The following INTS6L variants were observed in gnomAD, a reference collection of about 807,000 sequenced individuals.
INTS6L encodes integrator complex subunit 6-like.
A neutral mutation model predicts 64.7 loss-of-function variants in INTS6L; 18 were observed. That is an observed-to-expected ratio of 0.28 (90% CI 0.19 to 0.41). The LOEUF is 0.41. Among genes scored for constraint, INTS6L ranks in the 10% least tolerant of loss-of-function variants. The pLI is 1.00. For missense variants in INTS6L, 533 were observed against 661.0 expected (o/e 0.81, Z 2.12); for synonymous variants, 227 against 235.9 (o/e 0.96, Z 0.34).
Position 135,574,021 on chromosome X carries a change from A to G in INTS6L, c.1700A>G (p.Asn567Ser), listed in dbSNP as rs370706356. 10 of 1,203,558 alleles carry G rather than the reference A, an allele frequency of 8.3e-6. No homozygotes were observed. In the South Asian group the frequency reaches 1.1e-4, roughly 13 times the overall value. ...LLDQLTRMRS[N>S]LLKTHKFIVG... Reference sequence around the variant, plus strand: ...GACCAGCTGACCAGAATGAGATCCAATCTGCTGAAAACGCACAAGTTTATT... The same window carrying G: ...GACCAGCTGACCAGAATGAGATCCAGTCTGCTGAAAACGCACAAGTTTATT... Residue 567 changes from asparagine to serine, a missense_variant, in exon 13 of 18, where the codon AAT becomes AGT. Physicochemically the swap from Asn to Ser is conservative, Grantham distance 46. Coordinates refer to ENST00000639893, the MANE Select transcript of INTS6L (RefSeq NM_001351601.3).
intron 2 of INTS6L, among the ~76,000 whole-genome samples, chrX:135,529,063 C>A (rs917494891): frequency 1.4e-4 from 16 of 111,702 alleles, no homozygotes; most frequent in African/African-American, 5.2e-4. Flanking sequence ...GGTTAGAAGT[C>A]TTTTCCTGGG....
At chrX:135,580,609 C>CT (rs1239759577) in intron 16 of INTS6L, among the ~76,000 whole-genome samples, 1 of 112,199 alleles carries the variant, frequency 8.9e-6, no homozygotes, top group African/African-American at 3.2e-5. Flanking sequence ...ACCCTTAGCA[C>CT]TTTTTCTCCT....
chrX:135,553,274 T>C lies in INTS6L; in HGVS notation c.1059+1128T>C, dbSNP rs1021856743. The stretch of plus-strand genomic sequence containing the variant: ...GAGGACACAAGGAGATGTCTGGTTT[T>C]GTTCTCTTTCTTTCTTTCATTCTTT... On this transcript the variant is annotated intron_variant, in intron 8 of 17. Transcript: ENST00000639893. Among the ~76,000 whole-genome samples the C allele has an allele frequency of 2.7e-5, 3 of 110,393 alleles. No homozygotes were observed. In the South Asian group the frequency reaches 1.2e-3, roughly 43 times the overall value.
intron 2 of INTS6L, among the ~76,000 whole-genome samples, chrX:135,522,064 C>T (rs1277060417): frequency 1.8e-5 from 2 of 111,467 alleles, no homozygotes; most frequent in Non-Finnish European, 1.9e-5. Context: ...CTCCCCACCC[C>T]CAGACCCGGA....
rs1376089263 is a variant in INTS6L at position 135,581,652 on chromosome X, G to GA, written c.*23dup. On this transcript the variant is annotated 3_prime_UTR_variant, in exon 18 of 18. Coordinates refer to ENST00000639893, the MANE Select transcript of INTS6L (RefSeq NM_001351601.3). Reference sequence around the variant, plus strand: ...ATCATGTTAGTGCAAAGACCAGTGAGAAAAAAATGACAAGTTTTCTGTGCT... The same window carrying GA: ...ATCATGTTAGTGCAAAGACCAGTGAGAAAAAAAATGACAAGTTTTCTGTGCT... 12 of 1,161,717 alleles carry GA rather than the reference G, an allele frequency of 1.0e-5. No homozygotes were observed. Among genetic ancestry groups the GA allele is most frequent in the African/African-American group, 8.9e-5 (5 of 56,074 alleles).
intron 8 of INTS6L, among the ~76,000 whole-genome samples, chrX:135,554,144 G>A (rs1185178530): frequency 2.7e-5 from 3 of 111,802 alleles, no homozygotes; most frequent in Non-Finnish European, 5.6e-5. Flanking sequence ...TAGCTCTAAA[G>A]ATCCTTTGGA....
At chrX:135,564,831 C>A (rs2086897086) in intron 9 of INTS6L, among the ~76,000 whole-genome samples, 1 of 110,904 alleles carries the variant, frequency 9.0e-6, no homozygotes, top group Non-Finnish European at 1.9e-5. Flanking sequence ...GTCTCTGGAT[C>A]TTACTTAAAC....
chrX:135,553,571 A>C (rs1478591194), intron 8 of INTS6L, among the ~76,000 whole-genome samples: 1 of 94,071 alleles, frequency 1.1e-5, no homozygotes, highest in Non-Finnish European at 2.1e-5. Context: ...CAATCCTCCC[A>C]CCTCGGCTTC....
chrX:135,576,750 A>T (rs908543371), intron 14 of INTS6L, among the ~76,000 whole-genome samples: 1 of 112,325 alleles, frequency 8.9e-6, no homozygotes. Context: ...GTGATAATCA[A>T]TGTTGTTTAA....
chrX:135,572,829 A>G lies in INTS6L; in HGVS notation c.1413A>G (p.Ser471=). 8.3e-7 allele frequency: 1 copy of G among 1,210,875 alleles called. No homozygotes were observed. Among genetic ancestry groups the G allele is most frequent in the East Asian group, 3.0e-5 (1 of 33,836 alleles). ...KKLSQQTKLE[S]ERILASVGKK... is the part of the protein sequence containing the mutation. ...TTTCATTTTAGACCAAACTAGAGTC[A>G]GAACGAATACTAGCATCAGTGGGGA... Residue 471 remains serine, a synonymous_variant, in exon 12 of 18, where the codon TCA becomes TCG. Transcript: ENST00000639893.
chrX:135,529,183 T>C (rs1466288459), intron 2 of INTS6L, among the ~76,000 whole-genome samples: 1 of 112,437 alleles, frequency 8.9e-6, no homozygotes, highest in Non-Finnish European at 1.9e-5. Context: ...TTCAGTGTTA[T>C]TAGAAATATG....
At position 135,520,963 on chromosome X, in the gene INTS6L, T is replaced by A. The variant is rs1328817385; in HGVS notation, c.-30T>A. On this transcript the variant is annotated 5_prime_UTR_variant, in exon 1 of 18. Transcript: ENST00000639893. Reference sequence around the variant, plus strand: ...AGTGAGGGCAAGAGGGCCGGGAGAGTGGGGAGCGGAGGCAGGAGTGCGGGG... The same window carrying A: ...AGTGAGGGCAAGAGGGCCGGGAGAGAGGGGAGCGGAGGCAGGAGTGCGGGG... The A allele has an allele frequency of 6.7e-6, 8 of 1,185,190 alleles. No homozygotes were observed. The highest frequency in any genetic ancestry group is 9.1e-6 in the Non-Finnish European group (8 of 877,310).
chrX:135,578,146 C>T (rs1284392305), intron 15 of INTS6L, among the ~76,000 whole-genome samples: 1 of 111,734 alleles, frequency 8.9e-6, no homozygotes, highest in African/African-American at 3.3e-5. Flanking sequence ...ATCCTGGTAC[C>T]TCTCCTGTCC....
At chrX:135,533,603 A>G (rs1259029201) in intron 2 of INTS6L, among the ~76,000 whole-genome samples, 1 of 105,436 alleles carries the variant, frequency 9.5e-6, no homozygotes, top group African/African-American at 3.5e-5. Flanking sequence ...CCATGTGCCC[A>G]TGTGTTCTCA....
intron 6 of INTS6L, 72 bp from the exon 7 acceptor site, chrX:135,549,570 A>G: frequency 1.1e-5 from 12 of 1,111,085 alleles, no homozygotes; most frequent in Non-Finnish European, 1.4e-5. Flanking sequence ...TTCAGCTGGA[A>G]AATTTGTACA....
At position 135,572,969 on chromosome X, in the gene INTS6L, C is replaced by CT; in HGVS notation, c.1553_1554insT (p.Leu519ThrfsTer2). 2 of 1,211,387 alleles carry CT rather than the reference C, an allele frequency of 1.7e-6. No individual in the cohort carries two copies. The highest frequency in any genetic ancestry group is 2.2e-6 in the Non-Finnish European group (2 of 895,211). ...TTGAAAGAAATCACAGGGGAAACTG[C>CT]ACTTAGACTGACAGAATTGAACACC... is the stretch of plus-strand genomic sequence containing the variant. On this transcript the variant is annotated frameshift_variant, in exon 12 of 18. Transcript: ENST00000639893. LOFTEE classifies it high-confidence loss of function.
chrX:135,578,063 A>T (rs1156851798), intron 15 of INTS6L, among the ~76,000 whole-genome samples: 3 of 110,103 alleles, frequency 2.7e-5, no homozygotes, highest in Non-Finnish European at 5.7e-5. Context: ...TCTAATAGCA[A>T]CTCCCTTTCA....
chrX:135,524,317 C>T (rs1022522149), intron 2 of INTS6L, among the ~76,000 whole-genome samples: 11 of 111,496 alleles, frequency 9.9e-5, no homozygotes, highest in Non-Finnish European at 1.9e-4. Flanking sequence ...TCAAATAGGT[C>T]TTTCTTTGAT....
chrX:135,545,832 T>A (rs2086339526), intron 3 of INTS6L, among the ~76,000 whole-genome samples: 1 of 112,185 alleles, frequency 8.9e-6, no homozygotes, highest in South Asian at 3.7e-4. Context: ...CTGAGAAATA[T>A]CGGAACAAGA....
Sources: gnomAD v4.1 joint callset for allele counts (sites outside exome capture counted in the v4.1 genomes callset) on GRCh38, gnomAD v4.1.1 for gene constraint, MANE v1.5 for transcripts, NCBI Gene and HGNC (gene_info 2026-07-23, HGNC 2026-07-21) for gene names.